Variants in KLHL1 observed in about 807,000 individuals in gnomAD.
KLHL1 encodes the protein kelch like family member 1.
In KLHL1, 47 loss-of-function variants were observed where a neutral mutation model predicts 77.7. That is an observed-to-expected ratio of 0.60 (90% CI 0.48 to 0.77). KLHL1 has a LOEUF of 0.77. Among genes scored for constraint, KLHL1 ranks in the 30% least tolerant of loss-of-function variants. KLHL1 has a pLI of 0.00. For synonymous variants in KLHL1, 360 were observed against 325.2 expected (o/e 1.11, Z -1.15); for missense variants, 925 against 910.8 (o/e 1.02, Z -0.20).
intron 1 of KLHL1, among the ~76,000 whole-genome samples, chr13:70,103,358 A>G (rs1018448969): frequency 9.2e-5 from 14 of 152,186 alleles, no homozygotes; most frequent in Admixed American, 1.3e-4. Flanking sequence ...TCCATGGTAC[A>G]GATTGTCATC....
intron 4 of KLHL1, among the ~76,000 whole-genome samples, chr13:69,932,583 TGTTA>T (rs1883036050): frequency 1.3e-5 from 2 of 151,930 alleles, no homozygotes; most frequent in Non-Finnish European, 2.9e-5. Flanking sequence ...CTTGAAACTT[TGTTA>T]GTTATATTGT....
intron 1 of KLHL1, among the ~76,000 whole-genome samples, chr13:69,976,790 ATAATT>A (rs1319098749): frequency 6.6e-6 from 1 of 152,138 alleles, no homozygotes; most frequent in Non-Finnish European, 1.5e-5. Context: ...CAATATCAAA[ATAATT>A]ATTTGCATTC....
chr13:69,829,696 AG>A (rs1878685633), intron 6 of KLHL1, among the ~76,000 whole-genome samples: 1 of 150,024 alleles, frequency 6.7e-6, no homozygotes, highest in Non-Finnish European at 1.5e-5. Context: ...AAGAGCTGTG[AG>A]GCAAAGCATC....
chr13:69,724,084 C>T (rs540854752), intron 8 of KLHL1, among the ~76,000 whole-genome samples: 1 of 152,110 alleles, frequency 6.6e-6, no homozygotes, highest in East Asian at 1.9e-4. Context: ...ATCCATCTGC[C>T]TCGGCCTCCC....
intron 7 of KLHL1, among the ~76,000 whole-genome samples, chr13:69,787,130 G>C (rs1314443234): frequency 6.6e-6 from 1 of 152,094 alleles, no homozygotes; most frequent in Non-Finnish European, 1.5e-5. Flanking sequence ...AGCTACCAGT[G>C]ACTTTCTTCA....
chr13:69,705,999 A>G (rs1875608831), intron 10 of KLHL1, among the ~76,000 whole-genome samples: 1 of 151,798 alleles, frequency 6.6e-6, no homozygotes, highest in Non-Finnish European at 1.5e-5. Context: ...AATACACACC[A>G]TTTAACTAGT....
chr13:69,736,651 A>G (rs1477908267), intron 8 of KLHL1, among the ~76,000 whole-genome samples: 1 of 151,346 alleles, frequency 6.6e-6, no homozygotes, highest in African/African-American at 2.4e-5. Flanking sequence ...AATGCCTATC[A>G]ATTAGTGATT....
intron 7 of KLHL1, among the ~76,000 whole-genome samples, chr13:69,763,779 G>A (rs1875135509): frequency 6.6e-6 from 1 of 152,186 alleles, no homozygotes; most frequent in Non-Finnish European, 1.5e-5. Flanking sequence ...AGTCACTAGT[G>A]CTAAATGCTT....
intron 2 of KLHL1, among the ~76,000 whole-genome samples, chr13:69,962,926 C>A (rs779264505): frequency 6.6e-6 from 1 of 152,102 alleles, no homozygotes; most frequent in Non-Finnish European, 1.5e-5. Context: ...AGAAGACTTT[C>A]CTAATATCAT....
intron 1 of KLHL1, among the ~76,000 whole-genome samples, chr13:70,082,041 T>C (rs761095900): frequency 2.6e-5 from 4 of 151,994 alleles, no homozygotes; most frequent in African/African-American, 9.7e-5. Context: ...GTCAGGTTGT[T>C]TAAAGTTTGT....
chr13:70,104,846 T>C (rs1024518431), intron 1 of KLHL1, among the ~76,000 whole-genome samples: 12 of 152,066 alleles, frequency 7.9e-5, no homozygotes, highest in Non-Finnish European at 1.5e-4. Context: ...TTCTAAAGCA[T>C]AATAAAATTT....
At chr13:69,813,147 A>G (rs889700298) in intron 6 of KLHL1, among the ~76,000 whole-genome samples, 10 of 152,284 alleles carry the variant, frequency 6.6e-5, no homozygotes, top group African/African-American at 2.4e-4. Context: ...TGCAGCCATG[A>G]AAAATGATGA....
intron 2 of KLHL1, among the ~76,000 whole-genome samples, chr13:69,972,345 T>G (rs759764660): frequency 2.7e-4 from 41 of 152,092 alleles, no homozygotes; most frequent in Middle Eastern, 6.8e-3. Context: ...AAACTTATTG[T>G]CAAATATGTA....
At chr13:69,835,985 TAAC>T (rs1878972617) in intron 6 of KLHL1, among the ~76,000 whole-genome samples, 1 of 152,052 alleles carries the variant, frequency 6.6e-6, no homozygotes, top group African/African-American at 2.4e-5. Flanking sequence ...CCCACATGAG[TAAC>T]TATAAAGCTT....
chr13:69,759,634 G>A (rs888772548), intron 7 of KLHL1, among the ~76,000 whole-genome samples: 3 of 152,094 alleles, frequency 2.0e-5, no homozygotes, highest in Non-Finnish European at 4.4e-5. Flanking sequence ...GTCTGAATGT[G>A]GAAAAGAAAA....
chr13:69,871,160 C>T lies in KLHL1; in HGVS notation c.1227+11123G>A, dbSNP rs193258178. Among the ~76,000 whole-genome samples the T allele has an allele frequency of 1.6e-3, 236 of 152,246 alleles. 1 individual carries two copies. The highest frequency in any genetic ancestry group is 5.2e-3 in the African/African-American group (218 of 41,558). On this transcript the variant is annotated intron_variant, in intron 5 of 10. Coordinates refer to ENST00000377844, the MANE Select transcript of KLHL1 (RefSeq NM_020866.3). ...TTGCAGACTTAACAAGATATGGAAG[C>T]TGCAAAGGCTTACCACTTGTGCCCT... is the stretch of plus-strand genomic sequence containing the variant.
At chr13:69,948,745 A>T (rs141647147) in intron 3 of KLHL1, among the ~76,000 whole-genome samples, 1,565 of 152,148 alleles carry the variant, frequency 0.01, 27 homozygotes, top group African/African-American at 0.035. Flanking sequence ...TATTAGACAC[A>T]TCATCCCCTA....
chr13:70,084,535 T>C (rs1481395487), intron 1 of KLHL1, among the ~76,000 whole-genome samples: 2 of 139,482 alleles, frequency 1.4e-5, no homozygotes, highest in Non-Finnish European at 3.1e-5. Context: ...CTCTGCTCAC[T>C]GCAAGCTCCA....
At chr13:70,038,172 A>C (rs1260098957) in intron 1 of KLHL1, among the ~76,000 whole-genome samples, 2 of 152,152 alleles carry the variant, frequency 1.3e-5, no homozygotes, top group Non-Finnish European at 2.9e-5. Context: ...GTGACCTTTG[A>C]GATTTTATAG....
Sources: allele counts gnomAD v4.1 joint callset (sites outside exome capture counted in the v4.1 genomes callset), GRCh38; gene constraint gnomAD v4.1.1; transcripts MANE v1.5; gene names NCBI Gene and HGNC (gene_info 2026-07-23, HGNC 2026-07-21).